The following LEPR variants were observed in gnomAD, a reference collection of about 807,000 sequenced individuals.
LEPR encodes leptin receptor.
Under a neutral mutation model 114.7 loss-of-function variants are expected in LEPR, and 56 were observed. The ratio of observed to expected loss-of-function variants is 0.49; its 90% confidence interval spans 0.39 to 0.61. LEPR has a LOEUF of 0.61. Among genes scored for constraint, LEPR ranks in the 20% least tolerant of loss-of-function variants. The pLI, the probability that LEPR is intolerant of heterozygous loss-of-function variation, is 0.00. For synonymous variants in LEPR, 443 were observed against 461.4 expected, an observed-to-expected ratio of 0.96 and a Z score of 0.51; for missense variants, 1,202 against 1,352.9, an observed-to-expected ratio of 0.89 and a Z score of 1.75.
At chr1:65,425,190 A>G in intron 1 of LEPR, 113 bp from the exon 2 acceptor site, 1 of 813,208 alleles carries the variant, frequency 1.2e-6, no homozygotes, top group Non-Finnish European at 2.0e-6. Context: ...AAATTTACTC[A>G]TCCGCCAAAG....
chr1:65,557,650 C>A (rs1652917271), intron 2 of LEPR, among the ~76,000 whole-genome samples: 1 of 152,174 alleles, frequency 6.6e-6, no homozygotes, highest in Admixed American at 6.5e-5. Context: ...GAACTCCCGA[C>A]CTCAAGTGAT....
At chr1:65,587,533 A>G (rs1281493993) in intron 5 of LEPR, among the ~76,000 whole-genome samples, 1 of 151,846 alleles carries the variant, frequency 6.6e-6, no homozygotes, top group East Asian at 1.9e-4. Flanking sequence ...TGGTTCGGGG[A>G]TTGTCTTGGT....
At chr1:65,557,961 T>C (rs1652942340) in intron 2 of LEPR, among the ~76,000 whole-genome samples, 1 of 152,192 alleles carries the variant, frequency 6.6e-6, no homozygotes, top group African/African-American at 2.4e-5. Context: ...AATAAAGAAG[T>C]GGTTGTTTTA....
intron 2 of LEPR, among the ~76,000 whole-genome samples, chr1:65,511,868 G>A (rs1649050925): frequency 6.6e-6 from 1 of 152,144 alleles, no homozygotes; most frequent in Non-Finnish European, 1.5e-5. Flanking sequence ...TCTGCAACTC[G>A]GGTTAGTGTA....
intron 2 of LEPR, among the ~76,000 whole-genome samples, chr1:65,455,991 AT>A (rs200884161): frequency 6.6e-6 from 1 of 152,086 alleles, no homozygotes; most frequent in African/African-American, 2.4e-5. Context: ...CTGGTGCGCC[AT>A]TTTTTAAGCC....
In LEPR at chr1:65,420,750, G is replaced by T. The variant is rs752047665; in HGVS notation, c.-97+10G>T. ...ATGGCGGGCGTTAAAGGTACATCGC[G>T]GTCCCCGGCTCGCTTGTCGTGTGGT... On this transcript the variant is annotated intron_variant, in intron 1 of 19. Transcript: ENST00000349533. 4 of 1,579,828 alleles carry T rather than the reference G, an allele frequency of 2.5e-6. No homozygotes were observed. In the African/African-American group the frequency reaches 5.4e-5, roughly 21 times the overall value.
At chr1:65,526,286 C>T (rs995839599) in intron 2 of LEPR, 1 of 985,362 alleles carries the variant, frequency 1.0e-6, no homozygotes, top group Non-Finnish European at 1.2e-6. Flanking sequence ...GCTTTTGTTT[C>T]CCACCTCCCC....
intron 5 of LEPR, among the ~76,000 whole-genome samples, chr1:65,583,435 T>A (rs1655121454): frequency 6.6e-6 from 1 of 152,164 alleles, no homozygotes; most frequent in Non-Finnish European, 1.5e-5. Flanking sequence ...ATCGTTCAAG[T>A]TCCCACAAAC....
intron 19 of LEPR, among the ~76,000 whole-genome samples, chr1:65,625,897 A>G (rs1204791395): frequency 5.3e-5 from 8 of 152,062 alleles, no homozygotes; most frequent in Admixed American, 5.2e-4. Flanking sequence ...AAATTGCCAA[A>G]TTTTCAGTAT....
chr1:65,425,479 C>A, intron 2 of LEPR, 101 bp downstream of exon 2: 1 of 983,786 alleles, frequency 1.0e-6, no homozygotes, highest in South Asian at 1.8e-5. Context: ...AAGTTCTAAC[C>A]AGTGAGTTAG....
At position 65,542,627 on chromosome 1, in the gene LEPR, C is replaced by T. The variant is rs372304952; in HGVS notation, c.-20-22919C>T. Reference sequence around the variant, plus strand: ...ATCCCTCCCCTAGCCAGCCACCCCCCGACAGGCCCTGGTGTGTGATGTTTC... The same window carrying T: ...ATCCCTCCCCTAGCCAGCCACCCCCTGACAGGCCCTGGTGTGTGATGTTTC... On this transcript the variant is annotated intron_variant, in intron 2 of 19. Coordinates refer to ENST00000349533, the MANE Select transcript of LEPR (RefSeq NM_002303.6). 9.3e-4 allele frequency among the ~76,000 whole-genome samples: 141 copies of T among 151,798 alleles called. 1 individual carries two copies. Among genetic ancestry groups the T allele is most frequent in the African/African-American group, 3.0e-3 (125 of 41,166 alleles).
chr1:65,446,134 T>A (rs1646711144), intron 2 of LEPR, among the ~76,000 whole-genome samples: 2 of 152,150 alleles, frequency 1.3e-5, no homozygotes, highest in South Asian at 4.1e-4. Flanking sequence ...GGAGCTGGAT[T>A]TCTGAGTTGA....
At chr1:65,460,273 G>A (rs1646928221) in intron 2 of LEPR, among the ~76,000 whole-genome samples, 1 of 152,108 alleles carries the variant, frequency 6.6e-6, no homozygotes, top group African/African-American at 2.4e-5. Context: ...AAAGAACACA[G>A]CTAGCAAGTG....
intron 2 of LEPR, among the ~76,000 whole-genome samples, chr1:65,489,943 A>G (rs1647777528): frequency 6.6e-6 from 1 of 152,136 alleles, no homozygotes; most frequent in Non-Finnish European, 1.5e-5. Flanking sequence ...AGCCAAGTTT[A>G]TACTTGATGC....
At chr1:65,567,031 AT>A (rs1653815355) in intron 3 of LEPR, among the ~76,000 whole-genome samples, 1 of 152,124 alleles carries the variant, frequency 6.6e-6, no homozygotes, top group South Asian at 2.1e-4. Flanking sequence ...AGTGTTTTAC[AT>A]TGACTTTCTG....
chr1:65,529,643 C>T (rs993827950), intron 2 of LEPR, among the ~76,000 whole-genome samples: 1 of 152,094 alleles, frequency 6.6e-6, no homozygotes, highest in African/African-American at 2.4e-5. Context: ...TCCTATTAAT[C>T]TTGTTTTCAA....
intron 2 of LEPR, among the ~76,000 whole-genome samples, chr1:65,440,097 G>A (rs1202254711): frequency 6.6e-6 from 1 of 151,648 alleles, no homozygotes; most frequent in Admixed American, 6.6e-5. Flanking sequence ...ATGACTTACA[G>A]TGGTGCTATT....
At chr1:65,589,055 T>G (rs1655512813) in intron 5 of LEPR, among the ~76,000 whole-genome samples, 1 of 152,096 alleles carries the variant, frequency 6.6e-6, no homozygotes, top group South Asian at 2.1e-4. Flanking sequence ...TTCCAGTTCC[T>G]CCACATCTTC....
intron 19 of LEPR, among the ~76,000 whole-genome samples, chr1:65,625,486 AT>A (rs1350027879): frequency 6.6e-6 from 1 of 152,098 alleles, no homozygotes; most frequent in East Asian, 1.9e-4. Context: ...TGGAAATAGC[AT>A]TACTTTTTTT....
Sources: allele counts gnomAD v4.1 joint callset (sites outside exome capture counted in the v4.1 genomes callset), GRCh38; gene constraint gnomAD v4.1.1; transcripts MANE v1.5; gene names NCBI Gene and HGNC (gene_info 2026-07-23, HGNC 2026-07-21).